APOBEC3C: variants seen among roughly 807,000 people sequenced by gnomAD.
The protein encoded by APOBEC3C is DNA dC->dU-editing enzyme APOBEC-3C.
Under a neutral mutation model 20.6 loss-of-function variants are expected in APOBEC3C, and 14 were observed. The ratio of observed to expected loss-of-function variants is 0.68; its 90% CI spans 0.45 to 1.06. APOBEC3C has a LOEUF of 1.06. APOBEC3C is among the 50% of genes least tolerant of loss of function. The pLI is 0.00. For synonymous variants in APOBEC3C, 98 were observed against 88.8 expected, an observed-to-expected ratio of 1.10 and a Z score of -0.58; for missense variants, 244 against 241.9, an observed-to-expected ratio of 1.01 and a Z score of -0.06.
At chr22:39,015,918 C>G (rs1469495697) in intron 2 of APOBEC3C, among the ~76,000 whole-genome samples, 167 bp downstream of exon 2, 2 of 149,126 alleles carry the variant, frequency 1.3e-5, no homozygotes, top group Non-Finnish European at 3.0e-5. Flanking sequence ...CTCTGTCACC[C>G]AGGCTGGAAT....
chr22:39,016,376 TTTTTC>T (rs1924785097), intron 2 of APOBEC3C, among the ~76,000 whole-genome samples: 2 of 97,528 alleles, frequency 2.1e-5, no homozygotes, highest in African/African-American at 8.0e-5. Flanking sequence ...ATTTTTTCTT[TTTTTC>T]TTTTTTTTTT....
chr22:39,015,725 T>A lies in APOBEC3C; in HGVS notation c.148T>A (p.Trp50Arg). 4 of 1,613,960 alleles carry A rather than the reference T, an allele frequency of 2.5e-6. No homozygotes were observed. The highest frequency in any genetic ancestry group is 2.2e-5 in the East Asian group (1 of 44,868). Residue 50 changes from tryptophan to arginine, a missense_variant, in exon 2 of 4, where the codon TGG becomes AGG. By Grantham distance (101) the Trp-to-Arg change is moderately radical. Coordinates refer to ENST00000361441, the MANE Select transcript of APOBEC3C (RefSeq NM_014508.3). ...EGIKRRSVVS[W>R]KTGVFRNQVD... ...TATAAAGCGCCGCTCAGTTGTCTCC[T>A]GGAAGACGGGCGTCTTCCGAAACCA...
rs1310180205 is a variant in APOBEC3C at position 39,017,966 on chromosome 22, C to T, written c.375C>T (p.Tyr125=). Residue 125 remains tyrosine (Y), a synonymous_variant, in exon 3 of 4, where the codon TAC becomes TAT. Coordinates refer to ENST00000361441, the MANE Select transcript of APOBEC3C (RefSeq NM_014508.3). ...CCATCTTCACCGCCCGCCTCTACTA[C>T]TTCCAGTATCCATGTTACCAGGAGG... ...NLTIFTARLY[Y]FQYPCYQEGL... 1.2e-6 allele frequency: 2 copies of T among 1,614,230 alleles called. No homozygotes were observed. Among genetic ancestry groups the T allele is most frequent in the Non-Finnish European group, 1.7e-6 (2 of 1,180,050 alleles).
intron 1 of APOBEC3C, among the ~76,000 whole-genome samples, chr22:39,015,313 T>C (rs1372577048): frequency 1.4e-5 from 2 of 146,506 alleles, no homozygotes; most frequent in Non-Finnish European, 3.0e-5. Flanking sequence ...AAAAAAAAAG[T>C]AGCAGAAAAA....
At position 39,015,717 on chromosome 22, in the gene APOBEC3C, T is replaced by C. The variant is rs1483703976; in HGVS notation, c.140T>C (p.Val47Ala). ...GTGGAAGGTATAAAGCGCCGCTCAG[T>C]TGTCTCCTGGAAGACGGGCGTCTTC... ...FTVEGIKRRS[V>A]VSWKTGVFRN... The change falls in exon 2 of 4, where the codon GTT (valine) becomes GCT (alanine). Residue 47 changes from valine (V) to alanine (A), a missense_variant. By Grantham distance (64) the Val-to-Ala change is moderately conservative. Coordinates refer to ENST00000361441, the MANE Select transcript of APOBEC3C (RefSeq NM_014508.3). 4.3e-6 allele frequency: 7 copies of C among 1,613,982 alleles called. No homozygotes were observed. Among genetic ancestry groups the C allele is most frequent in the African/African-American group, 1.3e-5 (1 of 74,904 alleles).
intron 2 of APOBEC3C, among the ~76,000 whole-genome samples, chr22:39,016,805 A>G (rs1396691511): frequency 1.3e-5 from 2 of 152,226 alleles, no homozygotes; most frequent in Admixed American, 6.5e-5. Context: ...GAAGGCAGGC[A>G]GGGAACAAAG....
chr22:39,014,468 C>A, intron 1 of APOBEC3C, 89 bp downstream of exon 1: 1 of 1,547,102 alleles, frequency 6.5e-7, no homozygotes, highest in Non-Finnish European at 8.9e-7. Flanking sequence ...TCCCCCTGCC[C>A]CAGCCCCACC....
chr22:39,014,441 G>T, intron 1 of APOBEC3C, 62 bp downstream of exon 1: 1 of 1,610,792 alleles, frequency 6.2e-7, no homozygotes, highest in Non-Finnish European at 8.5e-7. Context: ...CGGTCCTGCT[G>T]GGCCTCAGCC....
rs537607172 is a variant in APOBEC3C, at chr22:39,014,303, A to G, written c.-60A>G. On this transcript the variant is annotated 5_prime_UTR_variant, in exon 1 of 4. Transcript: ENST00000361441. ...CTGCAAGGACGCTGTAAGCAGGAAG[A>G]GAAGCCACAGCGCTTCAGAAAAGAG... is the stretch of plus-strand genomic sequence containing the variant. The G allele has an allele frequency of 6.2e-7, 1 of 1,609,508 alleles. No individual in the cohort carries two copies. Among genetic ancestry groups the G allele is most frequent in the Non-Finnish European group, 8.5e-7 (1 of 1,176,002 alleles).
At chr22:39,015,820 T>C (rs1283177246) in intron 2 of APOBEC3C, 69 bp downstream of exon 2, 5 of 1,511,928 alleles carry the variant, frequency 3.3e-6, no homozygotes, top group Non-Finnish European at 4.5e-6. Flanking sequence ...AACGCAACAA[T>C]AAGTGATGTG....
At chr22:39,014,815 G>C (rs1316149192) in intron 1 of APOBEC3C, among the ~76,000 whole-genome samples, 1 of 152,166 alleles carries the variant, frequency 6.6e-6, no homozygotes, top group African/African-American at 2.4e-5. Flanking sequence ...AGTCTTAGGA[G>C]AGGGTGTGGG....
In APOBEC3C at chr22:39,015,743, C is replaced by T. The variant is rs778502182; in HGVS notation, c.166C>T (p.Arg56Ter). 7.4e-6 allele frequency: 12 copies of T among 1,613,476 alleles called. No individual in the cohort carries two copies. Among genetic ancestry groups the T allele is most frequent in the Admixed American group, 5.0e-5 (3 of 59,880 alleles). The change falls in exon 2 of 4, where the codon CGA becomes TGA. Residue 56 changes from arginine (R) to a stop codon, truncating the protein, a stop_gained. Coordinates refer to ENST00000361441, the MANE Select transcript of APOBEC3C (RefSeq NM_014508.3). LOFTEE classifies it high-confidence loss of function. ...SVVSWKTGVF[R>*]NQVDSETHCH... is the part of the protein sequence containing the mutation. ...TGTCTCCTGGAAGACGGGCGTCTTC[C>T]GAAACCAGGTAGCACCAAAGTCCTA...
chr22:39,014,536 C>A (rs1924714840), intron 1 of APOBEC3C, among the ~76,000 whole-genome samples, 157 bp downstream of exon 1: 1 of 148,976 alleles, frequency 6.7e-6, no homozygotes, highest in Non-Finnish European at 1.5e-5. Context: ...AAGCTCCTTG[C>A]CCTGCTGTGT....
At chr22:39,015,555 CG>C (rs754575706) in intron 1 of APOBEC3C, 39 bp from the exon 2 acceptor site, 3 of 1,602,078 alleles carry the variant, frequency 1.9e-6, no homozygotes, top group Non-Finnish European at 2.6e-6. Context: ...GACTCCGGTG[CG>C]GGGGTCTCTG....
chr22:39,017,544 G>T (rs1469919344), intron 2 of APOBEC3C, among the ~76,000 whole-genome samples: 4 of 152,100 alleles, frequency 2.6e-5, no homozygotes. Flanking sequence ...GGAGGCTGAG[G>T]TGGGAAGATT....
Position 39,015,809 on chromosome 22 carries a change from AAACGC to A in APOBEC3C, c.174+62_174+66del, listed in dbSNP as rs1924760398. ...GGAGCTAAGCAGCTGGGAATGCAGAAAACGCAACAATAAGTGATGTGCCCGGCGTG... is the reference window on the plus strand; with the variant it reads ...GGAGCTAAGCAGCTGGGAATGCAGAAAACAATAAGTGATGTGCCCGGCGTG... On this transcript the variant is annotated intron_variant, in intron 2 of 3. Transcript: ENST00000361441. The A allele has an allele frequency of 1.9e-6, 3 of 1,555,962 alleles. No individual in the cohort carries two copies. In the East Asian group the frequency reaches 6.8e-5, roughly 35 times the overall value.
chr22:39,014,753 G>T (rs1156738934), intron 1 of APOBEC3C, among the ~76,000 whole-genome samples: 1 of 152,186 alleles, frequency 6.6e-6, no homozygotes. Context: ...CAGGCATTTT[G>T]TTCTCAGCGC....
At chr22:39,018,170 T>A in intron 3 of APOBEC3C, 99 bp from the exon 4 acceptor site, 1 of 1,568,436 alleles carries the variant, frequency 6.4e-7, no homozygotes, top group Non-Finnish European at 8.6e-7. Context: ...CAGCGCCCAC[T>A]GCAACTGGCA....
At chr22:39,017,668 C>G (rs1033566584) in intron 2 of APOBEC3C, 98 bp from the exon 3 acceptor site, 1 of 1,447,214 alleles carries the variant, frequency 6.9e-7, no homozygotes, top group African/African-American at 1.4e-5. Flanking sequence ...GGAAACGGCC[C>G]GGGGCTCCAG....
Sources: gnomAD v4.1 joint callset for allele counts (sites outside exome capture counted in the v4.1 genomes callset) on GRCh38, gnomAD v4.1.1 for gene constraint, MANE v1.5 for transcripts, NCBI Gene and HGNC (gene_info 2026-07-23, HGNC 2026-07-21) for gene names.